ZNF254: variants seen among roughly 807,000 people sequenced by gnomAD.
The protein encoded by ZNF254 is CTD-2017D11.1.
ZNF254 carries 10 observed loss-of-function variants against 12.4 expected under a neutral mutation model. The ratio of observed to expected loss-of-function variants is 0.80; its 90% CI spans 0.50 to 1.36. The LOEUF (loss-of-function observed/expected upper bound fraction) is 1.36, where lower values mean the gene tolerates loss of function less well. Ranked by LOEUF, ZNF254 falls within the 40% of genes most tolerant of loss-of-function variation. ZNF254 has a pLI of 0.00. For missense variants in ZNF254, 996 were observed against 763.9 expected (o/e 1.30, Z -3.58); for synonymous variants, 305 against 253.4 (o/e 1.20, Z -1.93).
rs145332016 is a variant in ZNF254 at position 24,128,739 on chromosome 19, G to T, written c.*759G>T. The T allele has an allele frequency of 2.1e-3, 316 of 152,184 alleles. 2 individuals are homozygous for T. The highest frequency in any genetic ancestry group is 7.3e-3 in the African/African-American group (302 of 41,574). The allele number at this position is 152,184 out of a possible 1,614,324, so 9.4% of individuals were successfully genotyped here. On this transcript the variant is annotated 3_prime_UTR_variant, in exon 4 of 4. Transcript: ENST00000357002. ...TGTAAATATCAGGGAATAATTCACA[G>T]TAGAAATATCTAGGGCATTCAAGCT...
At chr19:24,093,812 GTTC>G (rs1972528050) in intron 1 of ZNF254, among the ~76,000 whole-genome samples, 1 of 151,132 alleles carries the variant, frequency 6.6e-6, no homozygotes, top group Non-Finnish European at 1.5e-5. Flanking sequence ...TTTTTTTTTA[GTTC>G]TTTTAAAAAT....
chr19:24,056,174 G>A lies in ZNF254; in HGVS notation c.-94+9895G>A, dbSNP rs78549658. On this transcript the variant is annotated intron_variant, in intron 2 of 4. Coordinates refer to the ZNF254 transcript ENST00000613065. ...CCTCCCCTGCCTTGGCACTGCCTACGGAAGGCGTTGGGACATGTCTCTGAG... is the reference window on the plus strand; with the variant it reads ...CCTCCCCTGCCTTGGCACTGCCTACAGAAGGCGTTGGGACATGTCTCTGAG... Among the ~76,000 whole-genome samples, 6 of 152,106 alleles carry A rather than the reference G, an allele frequency of 3.9e-5. No individual in the cohort carries two copies. The East Asian group carries it at 7.7e-4, about 20-fold the overall frequency.
chr19:24,062,017 G>A (rs1413822967), intron 2 of ZNF254, among the ~76,000 whole-genome samples: 7 of 151,324 alleles, frequency 4.6e-5, no homozygotes, highest in Non-Finnish European at 1.0e-4. Context: ...CCCAGGAGGT[G>A]GAGGTTGTGG....
rs1210576561 is a variant in ZNF254, at chr19:24,126,873, G to T, written c.873G>T (p.Glu291Asp). The change falls in exon 4 of 4, where the codon GAG becomes GAT. Residue 291 changes from glutamate (E) to aspartate (D), a missense_variant. Glu to Asp is a conservative substitution (Grantham distance 45). Transcript: ENST00000357002. ...CACATAAGATAATTCATACTGGAGA[G>T]AAACCTTACAAGTGTGAAGAATGTG... Reference protein sequence around the residue: ...LTTHKIIHTGEKPYKCEECGK... With the variant: ...LTTHKIIHTGDKPYKCEECGK... 1.2e-6 allele frequency: 2 copies of T among 1,613,460 alleles called. No homozygotes were observed. Among genetic ancestry groups the T allele is most frequent in the African/African-American group, 1.3e-5 (1 of 74,900 alleles).
At chr19:24,124,464 T>G (rs758640746) in intron 3 of ZNF254, among the ~76,000 whole-genome samples, 25 of 152,186 alleles carry the variant, frequency 1.6e-4, no homozygotes, top group Admixed American at 1.2e-3. Context: ...TATGATTCTG[T>G]GTTTTTATTG....
At chr19:24,044,310 G>A (rs1272518616) in intron 1 of ZNF254, among the ~76,000 whole-genome samples, 2 of 151,758 alleles carry the variant, frequency 1.3e-5, no homozygotes, top group African/African-American at 2.4e-5. Context: ...AGGCCGAGGC[G>A]GGTGGATCAC....
chr19:24,125,411 A>C (rs1454253063), intron 3 of ZNF254, among the ~76,000 whole-genome samples: 1 of 151,692 alleles, frequency 6.6e-6, no homozygotes, highest in Non-Finnish European at 1.5e-5. Context: ...TAATGTATAC[A>C]TCTTTTTTAT....
In ZNF254 at chr19:24,128,249, C is replaced by A. The variant is rs1300276202; in HGVS notation, c.*269C>A. 3 of 364,556 alleles carry A rather than the reference C, an allele frequency of 8.2e-6. No individual in the cohort carries two copies. Among genetic ancestry groups the A allele is most frequent in the African/African-American group, 4.2e-5 (2 of 47,652 alleles). 22.6% of individuals were successfully genotyped at this position (364,556 alleles called of 1,614,324 possible). Reference sequence around the variant, plus strand: ...TGGCCAAGCTTCGACAATGCTCACACCCTATTGCACAGGAAAGCATTTATA... The same window carrying A: ...TGGCCAAGCTTCGACAATGCTCACAACCTATTGCACAGGAAAGCATTTATA... On this transcript the variant is annotated 3_prime_UTR_variant, in exon 4 of 4. Transcript: ENST00000357002.
chr19:24,097,449 G>A (rs8102401), intron 1 of ZNF254, among the ~76,000 whole-genome samples: 21,683 of 151,792 alleles, frequency 0.14, 2,534 homozygotes, highest in African/African-American at 0.32. Flanking sequence ...CATGGTGATC[G>A]TTTGCAGGCT....
intron 3 of ZNF254, 119 bp from the exon 4 acceptor site, chr19:24,126,135 G>T: frequency 1.7e-6 from 1 of 587,244 alleles, no homozygotes; most frequent in Non-Finnish European, 2.6e-6. Context: ...AGAGCCTGTG[G>T]TATTTTGCAA....
At chr19:24,117,786 T>C (rs1974198938) in intron 3 of ZNF254, among the ~76,000 whole-genome samples, 1 of 152,008 alleles carries the variant, frequency 6.6e-6, no homozygotes, top group East Asian at 1.9e-4. Context: ...GTCTTCTGCA[T>C]CACTCACGCT....
chr19:24,059,116 C>G (rs1469247639), intron 2 of ZNF254, among the ~76,000 whole-genome samples: 4 of 152,210 alleles, frequency 2.6e-5, no homozygotes, highest in Non-Finnish European at 5.9e-5. Context: ...TCAGAAGGCA[C>G]TATAAAATAT....
intron 1 of ZNF254, among the ~76,000 whole-genome samples, chr19:24,095,442 T>C (rs1206691407): frequency 6.6e-6 from 1 of 152,222 alleles, no homozygotes; most frequent in Non-Finnish European, 1.5e-5. Context: ...TTGCTTAAAA[T>C]AGTTTCTGTA....
At chr19:24,064,645 G>A (rs2145435432) in intron 2 of ZNF254, 1 of 152,290 alleles carries the variant, frequency 6.6e-6, no homozygotes, top group Non-Finnish European at 1.5e-5. Context: ...TTCAGCCTCA[G>A]CCCCCTGAGT....
At position 24,123,201 on chromosome 19, in the gene ZNF254, T is replaced by C. The variant is rs550089514; in HGVS notation, c.254-3053T>C. Among the ~76,000 whole-genome samples the C allele has an allele frequency of 2.3e-4, 35 of 152,358 alleles. 1 individual carries two copies. Among genetic ancestry groups the C allele is most frequent in the African/African-American group, 8.2e-4 (34 of 41,596 alleles). ...TCAAGGGTGTGTTGTTTAATTTCTA[T>C]GTATTTGTAAATTTTTCAGTTTTTC... is the stretch of plus-strand genomic sequence containing the variant. On this transcript the variant is annotated intron_variant, in intron 3 of 3. Coordinates refer to ENST00000357002, the MANE Select transcript of ZNF254 (RefSeq NM_203282.4).
intron 2 of ZNF254, among the ~76,000 whole-genome samples, chr19:24,056,212 G>A (rs182140775): frequency 5.5e-4 from 83 of 152,246 alleles, no homozygotes; most frequent in African/African-American, 2.0e-3. Flanking sequence ...CTATGCCCAG[G>A]TTATGTGACT....
chr19:24,126,832 T>A lies in ZNF254; in HGVS notation c.832T>A (p.Ser278Thr). Residue 278 changes from serine to threonine, a missense_variant, in exon 4 of 4, where the codon TCC becomes ACC. By Grantham distance (58) the Ser-to-Thr change is moderately conservative. Coordinates refer to ENST00000357002, the MANE Select transcript of ZNF254 (RefSeq NM_203282.4). ...CEECGEAFNR[S>T]SNLTTHKIIH... Reference sequence around the variant, plus strand: ...AGAATGTGGTGAAGCTTTTAATCGATCCTCAAATCTTACTACACATAAGAT... The same window carrying A: ...AGAATGTGGTGAAGCTTTTAATCGAACCTCAAATCTTACTACACATAAGAT... 6.2e-7 allele frequency: 1 copy of A among 1,613,098 alleles called. No individual in the cohort carries two copies. The highest frequency in any genetic ancestry group is 8.5e-7 in the Non-Finnish European group (1 of 1,179,634).
rs1229479413 is a variant in ZNF254 at position 24,129,528 on chromosome 19, A to C, written c.*1548A>C. 1 of 151,852 alleles carries C rather than the reference A, an allele frequency of 6.6e-6. No homozygotes were observed. Among genetic ancestry groups the C allele is most frequent in the Non-Finnish European group, 1.5e-5 (1 of 67,870 alleles). The allele number at this position is 151,852 out of a possible 1,614,324, so 9.4% of individuals were successfully genotyped here. ...TAAAGAATATTGTTCCTATGGGTTA[A>C]ATTTTTATTCTTATTTTCACATTTA... On this transcript the variant is annotated 3_prime_UTR_variant, in exon 4 of 4. Transcript: ENST00000357002.
intron 2 of ZNF254, among the ~76,000 whole-genome samples, chr19:24,050,215 A>G (rs1970593957): frequency 6.6e-6 from 1 of 152,050 alleles, no homozygotes; most frequent in African/African-American, 2.4e-5. Flanking sequence ...GATGGAGTGC[A>G]GTGGCGTGAT....
Sources: allele counts gnomAD v4.1 joint callset (sites outside exome capture counted in the v4.1 genomes callset), GRCh38; gene constraint gnomAD v4.1.1; transcripts MANE v1.5; gene names NCBI Gene and HGNC (gene_info 2026-07-23, HGNC 2026-07-21).